The following SNX5 variants were observed in gnomAD, a reference collection of about 807,000 sequenced individuals.
SNX5 encodes sorting nexin 5.
In SNX5, 31 loss-of-function variants were observed where a neutral mutation model predicts 53.9. That is an observed-to-expected ratio of 0.58 (90% CI 0.43 to 0.78). The LOEUF (loss-of-function observed/expected upper bound fraction) is 0.78. Among genes scored for constraint, SNX5 ranks in the 30% least tolerant of loss-of-function variants. The pLI is 0.00. For synonymous variants in SNX5, 168 were observed against 171.1 expected (o/e 0.98, Z 0.14); for missense variants, 471 against 478.8 (o/e 0.98, Z 0.15).
chr20:17,960,879 C>T (rs1164131601), intron 1 of SNX5, among the ~76,000 whole-genome samples: 1 of 151,816 alleles, frequency 6.6e-6, no homozygotes, highest in African/African-American at 2.4e-5. Context: ...TTTTTAAAAA[C>T]CTGACTTTTG....
chr20:17,956,812 C>T (rs2035369110), intron 2 of SNX5, 121 bp downstream of exon 2: 1 of 624,580 alleles, frequency 1.6e-6, no homozygotes, highest in Non-Finnish European at 3.0e-6. Context: ...GAGGTTCTCA[C>T]TTAATAGTGC....
chr20:17,961,101 G>C (rs759570183), intron 1 of SNX5: 4 of 982,114 alleles, frequency 4.1e-6, no homozygotes, highest in Non-Finnish European at 4.8e-6. Flanking sequence ...TTCCCTAAAA[G>C]GAGAAAAGTA....
At position 17,954,340 on chromosome 20, in the gene SNX5, TG is replaced by T. The variant is rs140783495; in HGVS notation, c.268-224del. ...CATATTCACTTTGATGGCAATCATT[TG>T]TTCAGTTTATCCATTATAGACAATT... On this transcript the variant is annotated intron_variant, in intron 3 of 12. Coordinates refer to ENST00000377759, the MANE Select transcript of SNX5 (RefSeq NM_014426.4). 3,096 of 531,086 alleles carry T rather than the reference TG, an allele frequency of 5.8e-3. 140 individuals are homozygous for T. In the East Asian group the frequency reaches 0.094, roughly 16 times the overall value. 32.9% of individuals were successfully genotyped at this position (531,086 alleles called of 1,614,324 possible). A position where few individuals can be genotyped will look rare whatever the true frequency, so the allele number is the denominator to read the frequency against.
At chr20:17,954,380 C>G (rs1801364620) in intron 3 of SNX5, 1 of 374,864 alleles carries the variant, frequency 2.7e-6, no homozygotes, top group Non-Finnish European at 4.8e-6. Flanking sequence ...CAGAGCACAA[C>G]AGTGTCTATA....
At chr20:17,958,021 A>G (rs893725787) in intron 1 of SNX5, among the ~76,000 whole-genome samples, 43 of 150,756 alleles carry the variant, frequency 2.9e-4, no homozygotes, top group South Asian at 4.2e-4. Flanking sequence ...AAAAAAAAAA[A>G]AGAGAGGAGA....
At chr20:17,961,811 AATC>A (rs1285099445) in intron 1 of SNX5, 1 of 985,346 alleles carries the variant, frequency 1.0e-6, no homozygotes, top group Non-Finnish European at 1.2e-6. Context: ...CAATATGACA[AATC>A]ATCGATGATT....
intron 2 of SNX5, among the ~76,000 whole-genome samples, chr20:17,956,673 C>CAAAAAAAAAAAAAAAAAAAAAA (rs59252584): frequency 3.5e-5 from 3 of 84,878 alleles, no homozygotes; most frequent in South Asian, 4.0e-4. Context: ...AGACTGTCTC[C>CAAAAAAAAAAAAAAAAAAAAAA]AAAAAAAAAA....
intron 6 of SNX5, among the ~76,000 whole-genome samples, chr20:17,950,766 G>A (rs923596650): frequency 6.6e-6 from 1 of 152,178 alleles, no homozygotes; most frequent in Non-Finnish European, 1.5e-5. Context: ...AGACTGGGAG[G>A]AAATCCTGGT....
Position 17,968,455 on chromosome 20 carries a change from T to C in SNX5, c.-30A>G, listed in dbSNP as rs1005323010. 5 of 1,275,162 alleles carry C rather than the reference T, an allele frequency of 3.9e-6. No homozygotes were observed. Among genetic ancestry groups the C allele is most frequent in the Non-Finnish European group, 5.0e-6 (5 of 1,008,570 alleles). 79.0% of individuals were successfully genotyped at this position (1,275,162 alleles called of 1,614,324 possible). ...ACGCGGGACTCGAGCAGGGGCCGCCTGGCTGTGCGAGGAAAGAAGAAGCTG... is the reference window on the plus strand; with the variant it reads ...ACGCGGGACTCGAGCAGGGGCCGCCCGGCTGTGCGAGGAAAGAAGAAGCTG... On this transcript the variant is annotated 5_prime_UTR_variant, in exon 1 of 13. Transcript: ENST00000377759.
chr20:17,960,971 C>A (rs964790207), intron 1 of SNX5, among the ~76,000 whole-genome samples: 2 of 152,202 alleles, frequency 1.3e-5, no homozygotes, highest in Non-Finnish European at 2.9e-5. Flanking sequence ...CCTACCAGGT[C>A]AATCCTTACA....
At chr20:17,963,627 C>T (rs2035492638) in intron 1 of SNX5, among the ~76,000 whole-genome samples, 2 of 152,168 alleles carry the variant, frequency 1.3e-5, no homozygotes, top group Non-Finnish European at 2.9e-5. Flanking sequence ...CACTCTGTTG[C>T]CAAGGCTGGA....
At chr20:17,964,240 G>GAGCC (rs1302692902) in intron 1 of SNX5, among the ~76,000 whole-genome samples, 1 of 152,164 alleles carries the variant, frequency 6.6e-6, no homozygotes, top group East Asian at 1.9e-4. Context: ...CCTGACAAGG[G>GAGCC]AGCCATCTGG....
intron 1 of SNX5, among the ~76,000 whole-genome samples, chr20:17,962,432 T>C (rs2035471878): frequency 6.6e-6 from 1 of 152,072 alleles, no homozygotes; most frequent in Admixed American, 6.6e-5. Flanking sequence ...CTCTAACTCC[T>C]GACCTCGTGA....
chr20:17,961,538 T>C, intron 1 of SNX5: 4 of 984,650 alleles, frequency 4.1e-6, no homozygotes, highest in Non-Finnish European at 4.8e-6. Context: ...GTATACAATG[T>C]AAGACATGGA....
intron 1 of SNX5, among the ~76,000 whole-genome samples, chr20:17,966,606 T>C (rs1483266642): frequency 2.0e-5 from 3 of 152,288 alleles, no homozygotes; most frequent in African/African-American, 7.2e-5. Context: ...TGGGCTAGAA[T>C]TCAAAATCCT....
chr20:17,958,553 A>C (rs3790298), intron 1 of SNX5, among the ~76,000 whole-genome samples: 39,963 of 152,100 alleles, frequency 0.26, 5,743 homozygotes, highest in East Asian at 0.44. Flanking sequence ...TGATTTTAAC[A>C]TCAACTATTA....
intron 4 of SNX5, 51 bp downstream of exon 4, chr20:17,953,945 A>G (rs1220905011): frequency 8.1e-6 from 12 of 1,473,036 alleles, no homozygotes; most frequent in Non-Finnish European, 1.1e-5. Flanking sequence ...TGTACACAGC[A>G]CCACTTTTCT....
At chr20:17,949,008 C>A in intron 9 of SNX5, 32 bp from the exon 10 acceptor site, 1 of 1,608,716 alleles carries the variant, frequency 6.2e-7, no homozygotes, top group East Asian at 2.2e-5. Context: ...ACCATCAAGG[C>A]AGAAAGCTAT....
intron 2 of SNX5, among the ~76,000 whole-genome samples, chr20:17,955,711 A>C (rs2035341355): frequency 6.6e-6 from 1 of 152,238 alleles, no homozygotes; most frequent in Admixed American, 6.5e-5. Flanking sequence ...ATCCCATCAG[A>C]ATCTACTGGT....
Sources: gnomAD v4.1 joint callset for allele counts (sites outside exome capture counted in the v4.1 genomes callset) on GRCh38, gnomAD v4.1.1 for gene constraint, MANE v1.5 for transcripts, NCBI Gene and HGNC (gene_info 2026-07-23, HGNC 2026-07-21) for gene names.